Variants in TENM4 observed in about 807,000 individuals in gnomAD.
TENM4 encodes teneurin-4.
TENM4 carries 82 observed loss-of-function variants against 243.3 expected under a neutral mutation model. The observed-to-expected ratio is 0.34, with a 90% CI of 0.28 to 0.40. The LOEUF is 0.40. Among genes scored for constraint, TENM4 ranks in the 10% least tolerant of loss-of-function variants. The probability of loss-of-function intolerance (pLI) is 1.00; values close to 1 mark genes in which losing one functional copy is unlikely to be tolerated. For missense variants in TENM4, 3,138 were observed against 3,673.3 expected (o/e 0.85, Z 3.77); for synonymous variants, 1,412 against 1,456.3 (o/e 0.97, Z 0.69).
intron 3 of TENM4, among the ~76,000 whole-genome samples, chr11:79,152,507 T>C (rs1445843129): frequency 2.0e-5 from 3 of 152,220 alleles, no homozygotes; most frequent in African/African-American, 7.2e-5. Context: ...AAACTTCATC[T>C]AGATATATCA....
At chr11:79,187,669 T>C (rs944929065) in intron 3 of TENM4, among the ~76,000 whole-genome samples, 1 of 152,170 alleles carries the variant, frequency 6.6e-6, no homozygotes, top group Non-Finnish European at 1.5e-5. Flanking sequence ...AATCTGATTG[T>C]ATTTGGAGAC....
intron 18 of TENM4, among the ~76,000 whole-genome samples, chr11:78,765,627 G>A (rs1006992191): frequency 1.3e-5 from 2 of 152,138 alleles, no homozygotes; most frequent in Admixed American, 1.3e-4. Flanking sequence ...TTTTATCCTG[G>A]AGGCTTTTTA....
intron 16 of TENM4, among the ~76,000 whole-genome samples, chr11:78,785,706 C>CA (rs1198285524): frequency 6.6e-6 from 1 of 152,084 alleles, no homozygotes; most frequent in Non-Finnish European, 1.5e-5. Context: ...TAAGGTATTC[C>CA]ATGGCCAAAA....
chr11:79,376,355 C>T (rs1401968218), intron 1 of TENM4, among the ~76,000 whole-genome samples: 1 of 152,214 alleles, frequency 6.6e-6, no homozygotes, highest in Non-Finnish European at 1.5e-5. Context: ...GATTGGGCAA[C>T]CTCAGCATGT....
chr11:78,708,772 T>C (rs1239027990), intron 26 of TENM4, among the ~76,000 whole-genome samples: 2 of 152,140 alleles, frequency 1.3e-5, no homozygotes, highest in Non-Finnish European at 2.9e-5. Context: ...GAGATTTTAA[T>C]CTATCCCCTT....
At chr11:78,925,824 G>A (rs1370236361) in intron 6 of TENM4, among the ~76,000 whole-genome samples, 2 of 150,322 alleles carry the variant, frequency 1.3e-5, no homozygotes, top group East Asian at 3.9e-4. Context: ...CAGCTACACT[G>A]AACCACTTAA....
At chr11:79,316,850 T>G (rs1856810964) in intron 1 of TENM4, among the ~76,000 whole-genome samples, 1 of 152,192 alleles carries the variant, frequency 6.6e-6, no homozygotes, top group Non-Finnish European at 1.5e-5. Flanking sequence ...TACAGAACTT[T>G]GGAAAGAAAT....
intron 6 of TENM4, among the ~76,000 whole-genome samples, chr11:79,058,232 T>C (rs1407124261): frequency 6.6e-6 from 1 of 152,198 alleles, no homozygotes; most frequent in Non-Finnish European, 1.5e-5. Flanking sequence ...CAAAAAAGAC[T>C]GTAGAACACG....
intron 2 of TENM4, among the ~76,000 whole-genome samples, chr11:79,296,444 C>T (rs1447539958): frequency 2.6e-5 from 4 of 152,168 alleles, no homozygotes; most frequent in African/African-American, 7.2e-5. Context: ...CAGCTTACTG[C>T]GAGCTCACAG....
chr11:79,157,830 C>T (rs1862655487), intron 3 of TENM4, among the ~76,000 whole-genome samples: 1 of 152,160 alleles, frequency 6.6e-6, no homozygotes, highest in Non-Finnish European at 1.5e-5. Context: ...TCCAGAAGGC[C>T]TTGGACAGTG....
Position 78,899,563 on chromosome 11 carries a change from G to GGC in TENM4, c.749+3704_749+3705insGC, listed in dbSNP as rs1555098931. Among the ~76,000 whole-genome samples, 120 of 136,302 alleles carry GGC rather than the reference G, an allele frequency of 8.8e-4. 23 individuals are homozygous for GGC. The East Asian group carries it at 0.022, about 25-fold the overall frequency. The allele number at this position is 136,302 out of a possible 152,430, so 89.4% of individuals were successfully genotyped here. On this transcript the variant is annotated intron_variant, in intron 7 of 33. Coordinates refer to ENST00000278550, the MANE Select transcript of TENM4 (RefSeq NM_001098816.3). ...ACTGCACTCTGTCTCAAAAAGCGGGGGGGGGGGGAAAAAGAAAAAAGAAAG... is the reference window on the plus strand; with the variant it reads ...ACTGCACTCTGTCTCAAAAAGCGGGGGCGGGGGGGGAAAAAGAAAAAAGAAAG...
Position 78,942,797 on chromosome 11 carries a change from C to T in TENM4, c.494-39274G>A, listed in dbSNP as rs1017675742. Among the ~76,000 whole-genome samples the T allele has an allele frequency of 1.0e-4, 15 of 145,438 alleles. No individual in the cohort carries two copies. The East Asian group carries it at 3.0e-3, about 29-fold the overall frequency. ...CCCCTCCTACGTAAAATTTATTATC[C>T]TTATTTCATGACAGACAAAAAAAAA... On this transcript the variant is annotated intron_variant, in intron 6 of 33. Coordinates refer to ENST00000278550, the MANE Select transcript of TENM4 (RefSeq NM_001098816.3).
intron 5 of TENM4, among the ~76,000 whole-genome samples, chr11:79,069,078 G>T (rs968209677): frequency 6.6e-6 from 1 of 152,150 alleles, no homozygotes; most frequent in African/African-American, 2.4e-5. Context: ...TGGCTAAGAA[G>T]AATGGATTTG....
intron 1 of TENM4, among the ~76,000 whole-genome samples, chr11:79,419,582 T>C (rs1468256441): frequency 2.0e-5 from 3 of 152,190 alleles, no homozygotes; most frequent in Non-Finnish European, 4.4e-5. Flanking sequence ...GATATGTACT[T>C]TGTATGGGCT....
At position 78,712,613 on chromosome 11, in the gene TENM4, G is replaced by C; in HGVS notation, c.3923C>G (p.Thr1308Ser). The change falls in exon 26 of 34, where the codon ACT becomes AGT. Residue 1308 changes from threonine to serine, a missense_variant. Transcript: ENST00000278550. ...NSRRVFKIKS[T>S]VVVKDLVKNS... ...CTTGACAAGGTCCTTCACCACCACA[G>C]TGGACTTGATTTTAAAGACCCGCCG... 6.2e-7 allele frequency: 1 copy of C among 1,613,976 alleles called. No homozygotes were observed. The highest frequency in any genetic ancestry group is 1.1e-5 in the South Asian group (1 of 91,078).
intron 17 of TENM4, 145 bp from the exon 18 acceptor site, chr11:78,771,283 A>AT: frequency 9.4e-7 from 1 of 1,058,500 alleles, no homozygotes; most frequent in Non-Finnish European, 1.4e-6. Context: ...GGTAGGTATC[A>AT]TTAGGAATTG....
At chr11:78,851,953 C>T (rs1267151331) in intron 12 of TENM4, among the ~76,000 whole-genome samples, 2 of 152,150 alleles carry the variant, frequency 1.3e-5, no homozygotes, top group Non-Finnish European at 2.9e-5. Context: ...GAGCACAATC[C>T]CTGCCACAGT....
chr11:79,249,193 A>G (rs1165660642), intron 2 of TENM4, among the ~76,000 whole-genome samples: 2 of 152,238 alleles, frequency 1.3e-5, no homozygotes, highest in African/African-American at 4.8e-5. Flanking sequence ...AGTGCACTGT[A>G]TGTGTTAACT....
rs1156806655 is a variant in TENM4 at position 78,812,221 on chromosome 11, T to G, written c.1879A>C (p.Thr627Pro). The G allele has an allele frequency of 6.4e-7, 1 of 1,551,948 alleles. No individual in the cohort carries two copies. Residue 627 changes from threonine to proline, a missense_variant, in exon 14 of 34, where the codon ACC (threonine) becomes CCC (proline). Physicochemically the swap from Thr to Pro is conservative, Grantham distance 38. Coordinates refer to ENST00000278550, the MANE Select transcript of TENM4 (RefSeq NM_001098816.3). Reference protein sequence around the residue: ...GWKGAECDVPTNQCIDVACSN... With the variant: ...GWKGAECDVPPNQCIDVACSN... ...CAGGCCACATCGATACACTGGTTGG[T>G]GGGCACATCGCACTCAGCGCCTTTC...
Sources: allele counts gnomAD v4.1 joint callset (sites outside exome capture counted in the v4.1 genomes callset), GRCh38; gene constraint gnomAD v4.1.1; transcripts MANE v1.5; gene names NCBI Gene and HGNC (gene_info 2026-07-23, HGNC 2026-07-21).